Variants in B4GALNT2 observed in about 807,000 individuals in gnomAD.
The protein encoded by B4GALNT2 is N-acetylneuraminylgalactosylglucosyl-glucoside beta-1,4-N- acetylgalactosaminyltransferase 2.
Under a neutral mutation model 51.1 loss-of-function variants are expected in B4GALNT2, and 42 were observed. That is an observed-to-expected ratio of 0.82 (90% confidence interval 0.64 to 1.06). The LOEUF is 1.06. Among genes scored for constraint, B4GALNT2 ranks in the 50% least tolerant of loss-of-function variants. The pLI, the probability that B4GALNT2 is intolerant of heterozygous loss-of-function variation, is 0.00. For synonymous variants in B4GALNT2, 253 were observed against 251.7 expected (o/e 1.01, Z -0.05); for missense variants, 602 against 633.6 (o/e 0.95, Z 0.54).
At chr17:49,131,028 C>T (rs6504596), upstream of B4GALNT2, among the ~76,000 whole-genome samples, 80,350 of 151,958 alleles carry the variant, frequency 0.53, 21,534 homozygotes, top group Middle Eastern at 0.62. Flanking sequence ...GACACAACTC[C>T]TAGGTGAAAA....
chr17:49,150,688 G>A (rs1423070147), intron 3 of B4GALNT2, among the ~76,000 whole-genome samples: 1 of 151,282 alleles, frequency 6.6e-6, no homozygotes, highest in African/African-American at 2.4e-5. Flanking sequence ...TAAGGGCGGT[G>A]CAAGATGTGC....
intron 2 of B4GALNT2, among the ~76,000 whole-genome samples, chr17:49,141,668 C>T (rs1269247998): frequency 2.0e-5 from 3 of 152,150 alleles, no homozygotes; most frequent in African/African-American, 7.2e-5. Context: ...CTTTCGAGAG[C>T]ATGTAGTTTT....
At chr17:49,160,797 A>G (rs2042857275) in intron 7 of B4GALNT2, among the ~76,000 whole-genome samples, 156 bp downstream of exon 7, 1 of 152,134 alleles carries the variant, frequency 6.6e-6, no homozygotes, top group South Asian at 2.1e-4. Flanking sequence ...AAACTCTAAG[A>G]CACAATCCCC....
rs951056013 is a variant in B4GALNT2 at position 49,150,248 on chromosome 17, G to T, written c.354-2552G>T. 6.2e-5 allele frequency among the ~76,000 whole-genome samples: 9 copies of T among 145,380 alleles called. 1 individual carries two copies. Among genetic ancestry groups the T allele is most frequent in the Non-Finnish European group, 1.2e-4 (8 of 66,232 alleles). On this transcript the variant is annotated intron_variant, in intron 3 of 10. Coordinates refer to ENST00000393354, the MANE Select transcript of B4GALNT2 (RefSeq NM_001159387.2). ...AGCCGCCCCGTCCGGGAGGGAGGTG[G>T]GGGGGTCAGCCCCCCGCCCGGCCAG...
Position 49,169,763 on chromosome 17 carries a change from T to C in B4GALNT2, c.*35T>C, listed in dbSNP as rs753206177. 6.6e-7 allele frequency: 1 copy of C among 1,512,772 alleles called. No individual in the cohort carries two copies. Among genetic ancestry groups the C allele is most frequent in the African/African-American group, 1.4e-5 (1 of 72,072 alleles). 93.7% of individuals were successfully genotyped at this position (1,512,772 alleles called of 1,614,324 possible). A position where few individuals can be genotyped will look rare whatever the true frequency, so the allele number is the denominator to read the frequency against. Reference sequence around the variant, plus strand: ...GGCATAGGAGAAACACTAGGCTGGCTGGTTATGGTATCTATAGCAGGCCAC... The same window carrying C: ...GGCATAGGAGAAACACTAGGCTGGCCGGTTATGGTATCTATAGCAGGCCAC... On this transcript the variant is annotated 3_prime_UTR_variant, in exon 11 of 11. Coordinates refer to ENST00000393354, the MANE Select transcript of B4GALNT2 (RefSeq NM_001159387.2).
At chr17:49,148,831 G>T in intron 3 of B4GALNT2, 1 of 282,154 alleles carries the variant, frequency 3.5e-6, no homozygotes, top group Non-Finnish European at 6.7e-6. Flanking sequence ...GCCGAGGCAG[G>T]CGGATCACGA....
chr17:49,146,273 A>G (rs976147665), intron 3 of B4GALNT2, among the ~76,000 whole-genome samples: 4 of 152,166 alleles, frequency 2.6e-5, no homozygotes, highest in African/African-American at 4.8e-5. Flanking sequence ...TGGTAAGACC[A>G]GTGAATTCCA....
At chr17:49,153,211 T>G (rs1481403077) in intron 4 of B4GALNT2, among the ~76,000 whole-genome samples, 1 of 152,120 alleles carries the variant, frequency 6.6e-6, no homozygotes, top group African/African-American at 2.4e-5. Flanking sequence ...GCTCAGGAGT[T>G]TGAGACCAGC....
At chr17:49,148,320 A>ACAG in intron 3 of B4GALNT2, 1 of 356,732 alleles carries the variant, frequency 2.8e-6, no homozygotes, top group Non-Finnish European at 5.5e-6. Context: ...TAAAAACAAA[A>ACAG]CAAAAGTCCT....
rs1192266799 is a variant in B4GALNT2, at chr17:49,159,082, G to A, written c.544G>A (p.Val182Ile). The A allele has an allele frequency of 6.2e-7, 1 of 1,614,246 alleles. No homozygotes were observed. The stretch of plus-strand genomic sequence containing the variant: ...GGGGACACTGAACACCCTTGCTGAT[G>A]TCCCAGACAGTGTGGTGCAGGGCAG... ...SLGTLNTLAD[V>I]PDSVVQGRGQ... Residue 182 changes from valine (V) to isoleucine (I), a missense_variant, in exon 6 of 11, where the codon GTC becomes ATC. Val to Ile is a conservative substitution (Grantham distance 29). Transcript: ENST00000393354.
chr17:49,134,079 A>G (rs923014428), intron 1 of B4GALNT2, among the ~76,000 whole-genome samples: 4 of 152,174 alleles, frequency 2.6e-5, no homozygotes, highest in Non-Finnish European at 5.9e-5. Flanking sequence ...CCCCCACTCC[A>G]CAATCCTTCA....
At position 49,164,171 on chromosome 17, in the gene B4GALNT2, C is replaced by T. The variant is rs199894921; in HGVS notation, c.850C>T (p.Arg284Ter). 69 of 1,613,906 alleles carry T rather than the reference C, an allele frequency of 4.3e-5. No homozygotes were observed. The highest frequency in any genetic ancestry group is 2.3e-4 in the African/African-American group (17 of 75,036). The change falls in exon 8 of 11, where the codon CGA becomes TGA. Residue 284 changes from arginine (R) to a stop codon, truncating the protein, a stop_gained. Transcript: ENST00000393354. LOFTEE classifies it high-confidence loss of function. Reference sequence around the variant, plus strand: ...GCTCATGATCATGCTCCGGAGTATTCGAGAGTATTACCCAGACTTGACCGT... The same window carrying T: ...GCTCATGATCATGCTCCGGAGTATTTGAGAGTATTACCCAGACTTGACCGT... ...HKLMIMLRSI[R>*]EYYPDLTVIV...
chr17:49,157,003 G>C (rs1269323279), intron 5 of B4GALNT2, among the ~76,000 whole-genome samples: 1 of 152,188 alleles, frequency 6.6e-6, no homozygotes, highest in Non-Finnish European at 1.5e-5. Flanking sequence ...TCTGATCAGT[G>C]GGATGCAAAT....
intron 3 of B4GALNT2, among the ~76,000 whole-genome samples, chr17:49,151,775 C>G (rs118047690): frequency 1.9e-3 from 293 of 151,680 alleles, no homozygotes; most frequent in Admixed American, 3.4e-3. Flanking sequence ...TATCAACAAC[C>G]AAAAAAACCA....
chr17:49,154,162 G>A (rs919191195), intron 4 of B4GALNT2, among the ~76,000 whole-genome samples: 2 of 151,860 alleles, frequency 1.3e-5, no homozygotes, highest in African/African-American at 2.4e-5. Flanking sequence ...CACCACACCT[G>A]GCTAATTTTT....
At chr17:49,166,592 A>T (rs953035054) in intron 9 of B4GALNT2, among the ~76,000 whole-genome samples, 1 of 152,208 alleles carries the variant, frequency 6.6e-6, no homozygotes, top group Non-Finnish European at 1.5e-5. Flanking sequence ...CTATCACACA[A>T]CATTAAAAAC....
At chr17:49,148,749 A>G in intron 3 of B4GALNT2, 3 of 555,500 alleles carry the variant, frequency 5.4e-6, no homozygotes, top group African/African-American at 1.9e-5. Flanking sequence ...GGCCACCGTG[A>G]CTCCCTCCTT....
In B4GALNT2 at chr17:49,169,768, A is replaced by T. The variant is rs756702054; in HGVS notation, c.*40A>T. On this transcript the variant is annotated 3_prime_UTR_variant, in exon 11 of 11. Coordinates refer to ENST00000393354, the MANE Select transcript of B4GALNT2 (RefSeq NM_001159387.2). The stretch of plus-strand genomic sequence containing the variant: ...AGGAGAAACACTAGGCTGGCTGGTT[A>T]TGGTATCTATAGCAGGCCACCAAAA... The T allele has an allele frequency of 1.7e-5, 25 of 1,503,944 alleles. No homozygotes were observed. 93.2% of individuals were successfully genotyped at this position (1,503,944 alleles called of 1,614,324 possible).
At chr17:49,161,087 C>A (rs781344179) in intron 7 of B4GALNT2, among the ~76,000 whole-genome samples, 4 of 151,900 alleles carry the variant, frequency 2.6e-5, no homozygotes, top group Non-Finnish European at 5.9e-5. Context: ...CTAGTCTAGC[C>A]AATATGGTGA....
Sources: gnomAD v4.1 joint callset for allele counts (sites outside exome capture counted in the v4.1 genomes callset) on GRCh38, gnomAD v4.1.1 for gene constraint, MANE v1.5 for transcripts, NCBI Gene and HGNC (gene_info 2026-07-23, HGNC 2026-07-21) for gene names.